The following OTUD7A variants were observed in gnomAD, a reference collection of about 807,000 sequenced individuals.
OTUD7A encodes OTU deubiquitinase 7A.
A neutral mutation model predicts 65.7 loss-of-function variants in OTUD7A; 12 were observed. The observed-to-expected ratio is 0.18, with a 90% CI of 0.12 to 0.30. OTUD7A has a LOEUF of 0.30. Ranked by LOEUF, OTUD7A falls within the 10% of genes least tolerant of loss-of-function variation. OTUD7A has a pLI of 1.00. For missense variants in OTUD7A, 1,148 were observed against 1,304.8 expected (o/e 0.88, Z 1.85); for synonymous variants, 641 against 586.3 (o/e 1.09, Z -1.35).
chr15:31,507,767 T>C (rs2041603008), intron 8 of OTUD7A, among the ~76,000 whole-genome samples: 1 of 152,202 alleles, frequency 6.6e-6, no homozygotes, highest in African/African-American at 2.4e-5. Context: ...TGGTGCGTTT[T>C]ACAGAGCACT....
At chr15:31,693,330 C>T (rs1595711623) in intron 1 of OTUD7A, among the ~76,000 whole-genome samples, 1 of 152,156 alleles carries the variant, frequency 6.6e-6, no homozygotes, top group South Asian at 2.1e-4. Flanking sequence ...AAGTGCTTCT[C>T]GAAATGCCAA....
At chr15:31,798,310 G>A (rs1041934764) in intron 1 of OTUD7A, among the ~76,000 whole-genome samples, 1 of 152,148 alleles carries the variant, frequency 6.6e-6, no homozygotes, top group Non-Finnish European at 1.5e-5. Flanking sequence ...GATAAATGCT[G>A]TGCCCGTGAG....
intron 1 of OTUD7A, among the ~76,000 whole-genome samples, chr15:31,755,008 A>G (rs922105327): frequency 1.3e-5 from 2 of 151,528 alleles, no homozygotes; most frequent in Admixed American, 1.3e-4. Flanking sequence ...AGAGACAGAG[A>G]GAGAGAGAGA....
intron 3 of OTUD7A, among the ~76,000 whole-genome samples, chr15:31,605,734 C>T (rs370210268): frequency 6.6e-6 from 1 of 152,224 alleles, no homozygotes; most frequent in Non-Finnish European, 1.5e-5. Flanking sequence ...CTGTTGGTTA[C>T]GTAAGCAACT....
At chr15:31,773,482 G>A (rs1279503770) in intron 1 of OTUD7A, among the ~76,000 whole-genome samples, 3 of 152,214 alleles carry the variant, frequency 2.0e-5, no homozygotes, top group South Asian at 2.1e-4. Flanking sequence ...TCCCCGTTAT[G>A]AGGGCACTAA....
chr15:31,538,555 C>T (rs1411419156), intron 5 of OTUD7A, among the ~76,000 whole-genome samples: 1 of 152,164 alleles, frequency 6.6e-6, no homozygotes, highest in Admixed American at 6.5e-5. Context: ...GGAGCCCTCA[C>T]ACATCCAGGA....
chr15:31,779,907 CA>C (rs1370268675), intron 1 of OTUD7A, among the ~76,000 whole-genome samples: 1 of 152,110 alleles, frequency 6.6e-6, no homozygotes, highest in Non-Finnish European at 1.5e-5. Context: ...CTGTGATTTG[CA>C]ATCACACACT....
chr15:31,773,687 C>T (rs1895297822), intron 1 of OTUD7A, among the ~76,000 whole-genome samples: 1 of 152,194 alleles, frequency 6.6e-6, no homozygotes, highest in African/African-American at 2.4e-5. Flanking sequence ...CTTTGTTAAT[C>T]TTTGTGTTTC....
intron 1 of OTUD7A, among the ~76,000 whole-genome samples, chr15:31,860,691 A>ATATATATATATGTATG (rs1897712778): frequency 7.8e-6 from 1 of 128,496 alleles, no homozygotes; most frequent in Non-Finnish European, 1.6e-5. Flanking sequence ...ATATATATAT[A>ATATATATATATGTATG]TATATATATG....
At chr15:31,565,319 ATACT>A (rs1240136730) in intron 4 of OTUD7A, among the ~76,000 whole-genome samples, 1 of 152,202 alleles carries the variant, frequency 6.6e-6, no homozygotes, top group Non-Finnish European at 1.5e-5. Flanking sequence ...ATACTATTGT[ATACT>A]TAGATATCCA....
chr15:31,848,982 C>G (rs1897354933), intron 1 of OTUD7A, among the ~76,000 whole-genome samples: 1 of 152,178 alleles, frequency 6.6e-6, no homozygotes, highest in African/African-American at 2.4e-5. Flanking sequence ...ACTTATGAAG[C>G]TTAGTTTGGC....
chr15:31,502,887 C>T (rs2041492029), intron 9 of OTUD7A, among the ~76,000 whole-genome samples: 1 of 152,250 alleles, frequency 6.6e-6, no homozygotes, highest in African/African-American at 2.4e-5. Flanking sequence ...ATCGTGGCCA[C>T]ATCAGATTTT....
rs370215261 is a variant in OTUD7A at position 31,526,478 on chromosome 15, G to A, written c.781-17C>T. 1.6e-5 allele frequency: 24 copies of A among 1,545,544 alleles called. No homozygotes were observed. Among genetic ancestry groups the A allele is most frequent in the East Asian group, 9.5e-5 (4 of 42,252 alleles). On this transcript the variant is annotated splice_polypyrimidine_tract_variant and intron_variant, in intron 7 of 12. Transcript: ENST00000307050. ...CAGCCCTGACTGGCAGAGGGGAGCC[G>A]GCTCAGAAGGGGGGTGGGCCACAGC...
chr15:31,527,614 T>C (rs1033609226), intron 6 of OTUD7A, among the ~76,000 whole-genome samples: 2 of 152,236 alleles, frequency 1.3e-5, no homozygotes, highest in African/African-American at 4.8e-5. Context: ...TTTGAGGACC[T>C]AATGGTCATT....
chr15:31,851,062 C>T (rs1897412516), intron 1 of OTUD7A, among the ~76,000 whole-genome samples: 1 of 152,120 alleles, frequency 6.6e-6, no homozygotes. Context: ...CATTTTTAAA[C>T]ATGATTAAAA....
intron 3 of OTUD7A, among the ~76,000 whole-genome samples, chr15:31,591,682 C>G (rs1889728653): frequency 6.6e-6 from 1 of 152,180 alleles, no homozygotes. Context: ...GTCTCTCTCC[C>G]CCACTCTCTC....
At chr15:31,599,717 C>A (rs1473591931) in intron 3 of OTUD7A, among the ~76,000 whole-genome samples, 1 of 151,994 alleles carries the variant, frequency 6.6e-6, no homozygotes, top group South Asian at 2.1e-4. Flanking sequence ...ATATTCTAAC[C>A]CAATGCAAGG....
intron 1 of OTUD7A, among the ~76,000 whole-genome samples, chr15:31,780,695 G>C (rs375233717): frequency 6.6e-6 from 1 of 152,246 alleles, no homozygotes; most frequent in Non-Finnish European, 1.5e-5. Flanking sequence ...CAAGAAGCAA[G>C]AAAGAGCTTC....
At chr15:31,860,642 T>TATATATATATATATATATATATATAG (rs1897699292) in intron 1 of OTUD7A, among the ~76,000 whole-genome samples, 1 of 115,792 alleles carries the variant, frequency 8.6e-6, no homozygotes, top group Admixed American at 9.5e-5. Flanking sequence ...TATATATATA[T>TATATATATATATATATATATATATAG]ATGTATGTAT....
Sources: gnomAD v4.1 joint callset for allele counts (sites outside exome capture counted in the v4.1 genomes callset) on GRCh38, gnomAD v4.1.1 for gene constraint, MANE v1.5 for transcripts, NCBI Gene and HGNC (gene_info 2026-07-23, HGNC 2026-07-21) for gene names.